Variants in MED12L observed in about 807,000 individuals in gnomAD.
The protein encoded by MED12L is mediator complex subunit 12L, also known as mediator of RNA polymerase II transcription subunit 12-like protein.
A neutral mutation model predicts 281.3 loss-of-function variants in MED12L; 60 were observed. The ratio of observed to expected loss-of-function variants is 0.21; its 90% CI spans 0.17 to 0.26. The LOEUF (loss-of-function observed/expected upper bound fraction) is 0.26, where lower values mean the gene tolerates loss of function less well. Among genes scored for constraint, MED12L ranks in the 10% least tolerant of loss-of-function variants. The pLI, the probability that MED12L is intolerant of heterozygous loss-of-function variation, is 1.00. For missense variants in MED12L, 2,146 were observed against 2,680.9 expected (o/e 0.80, Z 4.41); for synonymous variants, 974 against 987.2 (o/e 0.99, Z 0.25).
chr3:151,092,532 ATC>A (rs1193315720), intron 2 of MED12L, among the ~76,000 whole-genome samples: 3 of 152,250 alleles, frequency 2.0e-5, no homozygotes, highest in Non-Finnish European at 2.9e-5. Context: ...ACATTTAACT[ATC>A]TCAATGCTTG....
At chr3:151,418,035 A>G (rs1717825048) in intron 43 of MED12L, among the ~76,000 whole-genome samples, 1 of 152,110 alleles carries the variant, frequency 6.6e-6, no homozygotes. Flanking sequence ...CAAGAACGAG[A>G]TACACCTTTT....
At chr3:151,403,984 A>C (rs1716000263) in intron 39 of MED12L, among the ~76,000 whole-genome samples, 1 of 152,212 alleles carries the variant, frequency 6.6e-6, no homozygotes, top group South Asian at 2.1e-4. Context: ...TTAAACTATG[A>C]AGTTCAAAAA....
At chr3:151,201,427 G>A (rs1725577095) in intron 16 of MED12L, among the ~76,000 whole-genome samples, 1 of 152,166 alleles carries the variant, frequency 6.6e-6, no homozygotes, top group Admixed American at 6.5e-5. Context: ...ACTTTTGCAT[G>A]TGATAGAAAT....
chr3:151,205,608 G>T (rs186587374), intron 16 of MED12L, among the ~76,000 whole-genome samples: 1 of 151,878 alleles, frequency 6.6e-6, no homozygotes, highest in Admixed American at 6.6e-5. Flanking sequence ...TGCCACAGCC[G>T]GGCACAGGTC....
chr3:151,339,572 A>G (rs370542375), intron 16 of MED12L, among the ~76,000 whole-genome samples: 1 of 151,984 alleles, frequency 6.6e-6, no homozygotes, highest in African/African-American at 2.4e-5. Flanking sequence ...CTTATTTCCA[A>G]CTTTCCTCAG....
Position 151,416,294 on chromosome 3 carries a change from T to A in MED12L, c.6298-18T>A. ...TCTTCTTCCTTTTAAGTGTATAACATTTTTACCCTCTTTCCAGATGCAGCA... is the reference window on the plus strand; with the variant it reads ...TCTTCTTCCTTTTAAGTGTATAACAATTTTACCCTCTTTCCAGATGCAGCA... On this transcript the variant is annotated intron_variant, in intron 42 of 44. Coordinates refer to ENST00000687756, the MANE Select transcript of MED12L (RefSeq NM_001393769.1). 1 of 1,612,706 alleles carries A rather than the reference T, an allele frequency of 6.2e-7. No individual in the cohort carries two copies. Among genetic ancestry groups the A allele is most frequent in the Non-Finnish European group, 8.5e-7 (1 of 1,179,998 alleles).
At chr3:151,284,383 T>C (rs1264190178) in intron 16 of MED12L, among the ~76,000 whole-genome samples, 1 of 152,160 alleles carries the variant, frequency 6.6e-6, no homozygotes, top group Non-Finnish European at 1.5e-5. Context: ...CACTTATTTT[T>C]AGTTCTGGGT....
intron 16 of MED12L, among the ~76,000 whole-genome samples, chr3:151,224,654 AGAAG>A (rs1730119146): frequency 6.6e-6 from 1 of 152,208 alleles, no homozygotes; most frequent in Non-Finnish European, 1.5e-5. Context: ...TTCACCCAGA[AGAAG>A]GAATCCTCCT....
intron 2 of MED12L, among the ~76,000 whole-genome samples, chr3:151,106,829 A>G (rs1722134909): frequency 6.6e-6 from 1 of 152,174 alleles, no homozygotes; most frequent in African/African-American, 2.4e-5. Context: ...TAATACAGCT[A>G]CTTCAACTCT....
chr3:151,173,251 G>A (rs1721654057), intron 11 of MED12L, among the ~76,000 whole-genome samples: 1 of 152,110 alleles, frequency 6.6e-6, no homozygotes, highest in Non-Finnish European at 1.5e-5. Context: ...TGCTAGAGAG[G>A]ATGAGAAATT....
intron 2 of MED12L, among the ~76,000 whole-genome samples, chr3:151,089,621 G>A (rs1364543395): frequency 1.4e-5 from 2 of 145,234 alleles, no homozygotes; most frequent in East Asian, 4.4e-4. Flanking sequence ...TCAGAAAAGG[G>A]CTCCCAGAAG....
intron 43 of MED12L, among the ~76,000 whole-genome samples, chr3:151,426,461 A>G (rs1387421929): frequency 6.6e-6 from 1 of 152,190 alleles, no homozygotes; most frequent in Non-Finnish European, 1.5e-5. Context: ...TCTGGGGCCT[A>G]TTGCCTGTGC....
rs896291057 is a variant in MED12L, at chr3:151,436,060, G to T, written c.*3256G>T. ...ACCCCCTTTTCACATTTTATGATGTGCAGGTATTACATTGCTTTTTACATG... is the reference window on the plus strand; with the variant it reads ...ACCCCCTTTTCACATTTTATGATGTTCAGGTATTACATTGCTTTTTACATG... On this transcript the variant is annotated 3_prime_UTR_variant, in exon 45 of 45. Coordinates refer to ENST00000687756, the MANE Select transcript of MED12L (RefSeq NM_001393769.1). The T allele has an allele frequency of 3.3e-5, 5 of 152,100 alleles. No individual in the cohort carries two copies. Among genetic ancestry groups the T allele is most frequent in the African/African-American group, 1.2e-4 (5 of 41,412 alleles). 9.4% of individuals were successfully genotyped at this position (152,100 alleles called of 1,614,324 possible). A position where few individuals can be genotyped will look rare whatever the true frequency, so the allele number is the denominator to read the frequency against.
chr3:151,142,216 C>A (rs113268642), intron 5 of MED12L, among the ~76,000 whole-genome samples: 1 of 152,196 alleles, frequency 6.6e-6, no homozygotes, highest in Admixed American at 6.5e-5. Flanking sequence ...TCCTAGACTT[C>A]TGTTTCTGGG....
rs1713965227 is a variant in MED12L at position 151,122,868 on chromosome 3, A to T, written c.290A>T (p.Asn97Ile). 1.2e-5 allele frequency: 20 copies of T among 1,612,798 alleles called. No homozygotes were observed. Among genetic ancestry groups the T allele is most frequent in the Non-Finnish European group, 1.7e-5 (20 of 1,179,418 alleles). ...ACGGGAAAGAAGAAACCACAAGTTA[A>T]TGCTAAAGATAATTATTGGCTGGTT... ...QDTGKKKPQV[N>I]AKDNYWLVTA... Residue 97 changes from asparagine (N) to isoleucine (I), a missense_variant, in exon 4 of 45, where the codon AAT becomes ATT. This residue lies in a region of MED12L where 722 missense variants were observed against 861.2 expected (regional missense o/e 0.84). Coordinates refer to ENST00000687756, the MANE Select transcript of MED12L (RefSeq NM_001393769.1).
At chr3:151,142,917 A>G (rs1717257669) in intron 5 of MED12L, among the ~76,000 whole-genome samples, 1 of 152,190 alleles carries the variant, frequency 6.6e-6, no homozygotes, top group African/African-American at 2.4e-5. Flanking sequence ...ACATGGCTCT[A>G]AAGCCTGATT....
At chr3:151,404,152 T>G (rs1216670309) in intron 39 of MED12L, among the ~76,000 whole-genome samples, 2 of 152,198 alleles carry the variant, frequency 1.3e-5, no homozygotes, top group Non-Finnish European at 2.9e-5. Flanking sequence ...CAAAAGAAGG[T>G]TCCGTGATTT....
At chr3:151,119,331 A>G (rs1373278428) in intron 3 of MED12L, among the ~76,000 whole-genome samples, 5 of 152,224 alleles carry the variant, frequency 3.3e-5, no homozygotes, top group African/African-American at 1.2e-4. Flanking sequence ...TAAACAACAG[A>G]AATTTATTTT....
intron 2 of MED12L, among the ~76,000 whole-genome samples, chr3:151,088,317 A>G (rs1342837320): frequency 6.6e-6 from 1 of 152,162 alleles, no homozygotes; most frequent in African/African-American, 2.4e-5. Flanking sequence ...GAGGTTTGAG[A>G]AGATTTCCCA....
Sources: allele counts gnomAD v4.1 joint callset (sites outside exome capture counted in the v4.1 genomes callset), GRCh38; gene constraint gnomAD v4.1.1; regional missense constraint gnomAD v4.1.1; transcripts MANE v1.5; gene names NCBI Gene and HGNC (gene_info 2026-07-23, HGNC 2026-07-21).